Variants in KIAA1328 observed in about 807,000 individuals in gnomAD.
The protein encoded by KIAA1328 is KIAA1328.
Under a neutral mutation model 68.1 loss-of-function variants are expected in KIAA1328, and 52 were observed. That is an observed-to-expected ratio of 0.76 (90% CI 0.61 to 0.96). The LOEUF (loss-of-function observed/expected upper bound fraction) is 0.96, where lower values mean the gene tolerates loss of function less well. KIAA1328 is among the 40% of genes least tolerant of loss of function. The pLI, the probability that KIAA1328 is intolerant of heterozygous loss-of-function variation, is 0.00. For missense variants in KIAA1328, 641 were observed against 677.6 expected (o/e 0.95, Z 0.60); for synonymous variants, 232 against 239.4 (o/e 0.97, Z 0.28).
chr18:37,076,277 G>C (rs1248966319), intron 7 of KIAA1328, among the ~76,000 whole-genome samples: 3 of 152,132 alleles, frequency 2.0e-5, no homozygotes, highest in Non-Finnish European at 4.4e-5. Context: ...GATGTTCTTT[G>C]AAACTAATGA....
chr18:36,896,885 A>C (rs1394016089), intron 5 of KIAA1328, among the ~76,000 whole-genome samples: 1 of 152,126 alleles, frequency 6.6e-6, no homozygotes, highest in African/African-American at 2.4e-5. Context: ...TTACATTTGA[A>C]GAATATAGTG....
Position 37,105,916 on chromosome 18 carries a change from CAAAAA to C in KIAA1328, c.1232+38396_1232+38400del, listed in dbSNP as rs58940699. Among the ~76,000 whole-genome samples the C allele has an allele frequency of 2.0e-3, 39 of 19,496 alleles. 2 individuals carry two copies. The highest frequency in any genetic ancestry group is 5.2e-3 in the South Asian group (2 of 382). 12.8% of individuals were successfully genotyped at this position (19,496 alleles called of 152,430 possible). On this transcript the variant is annotated intron_variant, in intron 7 of 9. Transcript: ENST00000280020. ...TGGTTGACAGAGCAAGACTCTGTGT[CAAAAA>C]AAAAAAAAAAAAAAAAAAAAAAAAG...
rs1240380449 is a variant in KIAA1328, at chr18:36,834,311, C to G, written c.59-9C>G. The G allele has an allele frequency of 6.3e-7, 1 of 1,574,898 alleles. No individual in the cohort carries two copies. Among genetic ancestry groups the G allele is most frequent in the Non-Finnish European group, 8.6e-7 (1 of 1,161,388 alleles). On this transcript the variant is annotated splice_polypyrimidine_tract_variant and intron_variant, in intron 1 of 9. Coordinates refer to ENST00000280020, the MANE Select transcript of KIAA1328 (RefSeq NM_020776.3). ...ATTATTGTATTTTCCTTCATGTTCTCCTGCGTAGTTTCTGATGAAGAACAA... is the reference window on the plus strand; with the variant it reads ...ATTATTGTATTTTCCTTCATGTTCTGCTGCGTAGTTTCTGATGAAGAACAA...
chr18:36,942,619 A>C (rs2050755674), intron 5 of KIAA1328, among the ~76,000 whole-genome samples: 1 of 152,050 alleles, frequency 6.6e-6, no homozygotes, highest in South Asian at 2.1e-4. Context: ...TCATTTTATA[A>C]TCTGAATGTA....
intron 7 of KIAA1328, among the ~76,000 whole-genome samples, chr18:37,112,865 C>T (rs749762685): frequency 8.5e-5 from 13 of 152,080 alleles, no homozygotes; most frequent in Non-Finnish European, 1.5e-4. Context: ...GATGCATGCA[C>T]AAGCTTCAGT....
intron 6 of KIAA1328, among the ~76,000 whole-genome samples, chr18:37,044,423 T>C (rs1271736270): frequency 6.6e-6 from 1 of 152,086 alleles, no homozygotes; most frequent in Non-Finnish European, 1.5e-5. Context: ...GACATATATA[T>C]TTCTAAAAAT....
chr18:36,883,952 G>GTATATATATATATAGATATATATATA (rs2048406242), intron 4 of KIAA1328, among the ~76,000 whole-genome samples: 1 of 120,804 alleles, frequency 8.3e-6, no homozygotes, highest in Non-Finnish European at 1.7e-5. Flanking sequence ...TATTTATAAA[G>GTATATATATATATAGATATATATATA]TATATATATA....
chr18:37,117,564 A>G (rs323338), intron 7 of KIAA1328, among the ~76,000 whole-genome samples: 40,660 of 151,960 alleles, frequency 0.27, 8,590 homozygotes, highest in African/African-American at 0.59. Context: ...AATGGGTGCA[A>G]CACACCAACA....
chr18:36,834,604 C>A (rs1206551829), intron 2 of KIAA1328, among the ~76,000 whole-genome samples: 5 of 151,998 alleles, frequency 3.3e-5, no homozygotes, highest in Non-Finnish European at 5.9e-5. Context: ...TGGCAAGGGG[C>A]AAAAGATTCT....
At chr18:36,936,187 G>A (rs555319790) in intron 5 of KIAA1328, among the ~76,000 whole-genome samples, 8 of 150,120 alleles carry the variant, frequency 5.3e-5, no homozygotes, top group African/African-American at 2.0e-4. Context: ...TGGGATTCTT[G>A]TCCAGAACGT....
chr18:36,921,127 T>G (rs2049905056), intron 5 of KIAA1328: 2 of 152,196 alleles, frequency 1.3e-5, no homozygotes, highest in African/African-American at 4.8e-5. Context: ...TTCATACATT[T>G]TTTTTTCATT....
At chr18:36,972,829 A>G (rs1007567897) in intron 6 of KIAA1328, among the ~76,000 whole-genome samples, 10 of 152,118 alleles carry the variant, frequency 6.6e-5, no homozygotes, top group South Asian at 2.1e-4. Flanking sequence ...AATATACCTG[A>G]GGGCCATTGG....
At chr18:37,162,672 C>G (rs150295059) in intron 8 of KIAA1328, among the ~76,000 whole-genome samples, 12 of 152,260 alleles carry the variant, frequency 7.9e-5, no homozygotes, top group African/African-American at 2.9e-4. Context: ...TCATCACCTT[C>G]TTAATTGCTT....
At chr18:37,209,054 G>A (rs1190106324) in intron 9 of KIAA1328, among the ~76,000 whole-genome samples, 2 of 152,150 alleles carry the variant, frequency 1.3e-5, no homozygotes, top group Admixed American at 6.5e-5. Flanking sequence ...GCACATCCAG[G>A]AGGTGAAGTA....
chr18:37,230,448 T>C (rs780671299), downstream of KIAA1328: 2 of 152,226 alleles, frequency 1.3e-5, no homozygotes, highest in African/African-American at 2.4e-5. Context: ...TGTACATCTT[T>C]TATCACAATA....
chr18:37,158,201 T>A (rs1420628518), intron 7 of KIAA1328, among the ~76,000 whole-genome samples: 1 of 152,096 alleles, frequency 6.6e-6, no homozygotes, highest in Non-Finnish European at 1.5e-5. Context: ...CCTGGCTAAT[T>A]TAAAACAATT....
At chr18:37,108,682 T>C (rs1460369265) in intron 7 of KIAA1328, among the ~76,000 whole-genome samples, 1 of 152,194 alleles carries the variant, frequency 6.6e-6, no homozygotes, top group Non-Finnish European at 1.5e-5. Context: ...TGGTCTTACA[T>C]AGCCTTTAGG....
intron 4 of KIAA1328, among the ~76,000 whole-genome samples, chr18:36,872,114 C>A (rs1278173185): frequency 6.6e-6 from 1 of 152,106 alleles, no homozygotes; most frequent in Non-Finnish European, 1.5e-5. Flanking sequence ...GCAACATAAA[C>A]TATTATCCTT....
chr18:36,896,994 A>T (rs536524911), intron 5 of KIAA1328, among the ~76,000 whole-genome samples: 45 of 152,226 alleles, frequency 3.0e-4, no homozygotes, highest in African/African-American at 9.9e-4. Flanking sequence ...TAATACTCTC[A>T]CTTAAGTTAG....
Sources: allele counts gnomAD v4.1 joint callset (sites outside exome capture counted in the v4.1 genomes callset), GRCh38; gene constraint gnomAD v4.1.1; transcripts MANE v1.5; gene names NCBI Gene and HGNC (gene_info 2026-07-23, HGNC 2026-07-21).